The following SAFB variants were observed in gnomAD, a reference collection of about 807,000 sequenced individuals.
SAFB encodes scaffold attachment factor B.
Under a neutral mutation model 101.6 loss-of-function variants are expected in SAFB, and 15 were observed. The ratio of observed to expected loss-of-function variants is 0.15; its 90% CI spans 0.10 to 0.23. SAFB has a LOEUF of 0.23. SAFB is among the 10% of genes least tolerant of loss of function. The pLI is 1.00. For missense variants in SAFB, 930 were observed against 1,104.1 expected (o/e 0.84, Z 2.23); for synonymous variants, 449 against 407.5 (o/e 1.10, Z -1.23).
chr19:5,647,024 G>A (rs1405960603), intron 5 of SAFB, among the ~76,000 whole-genome samples: 2 of 152,230 alleles, frequency 1.3e-5, no homozygotes, highest in East Asian at 1.9e-4. Flanking sequence ...TGACGAGTCT[G>A]TGTGTATGTA....
chr19:5,667,333 GTC>G lies in SAFB; in HGVS notation c.2454-8_2454-7del, dbSNP rs1568285009. On this transcript the variant is annotated splice_polypyrimidine_tract_variant and intron_variant, in intron 18 of 20. Coordinates refer to ENST00000588852, the MANE Select transcript of SAFB (RefSeq NM_001201338.2). This position sits in a 1 kb window ranked among gnomAD's most constrained non-coding sequence, Gnocchi z 4.0. Reference sequence around the variant, plus strand: ...GATGGGGGCAATCCAAATCAGAGATGTCTCTCTTTCAAGGGGCAGACGTGACT... The same window carrying G: ...GATGGGGGCAATCCAAATCAGAGATGTCTCTTTCAAGGGGCAGACGTGACT... 3.4e-6 allele frequency: 5 copies of G among 1,474,180 alleles called. No individual in the cohort carries two copies. The highest frequency in any genetic ancestry group is 1.4e-5 in the South Asian group (1 of 73,148). The allele number at this position is 1,474,180 out of a possible 1,614,324, so 91.3% of individuals were successfully genotyped here.
At chr19:5,650,587 A>AT (rs2053917370) in intron 8 of SAFB, among the ~76,000 whole-genome samples, 1 of 151,954 alleles carries the variant, frequency 6.6e-6, no homozygotes, top group Non-Finnish European at 1.5e-5. Context: ...GATTTTTTGT[A>AT]TTTTTAGTAG....
At chr19:5,656,807 G>C (rs2054073009) in intron 13 of SAFB, among the ~76,000 whole-genome samples, 1 of 151,954 alleles carries the variant, frequency 6.6e-6, no homozygotes, top group Non-Finnish European at 1.5e-5. Context: ...GTCTCAGTCA[G>C]TCACTCAGGC....
At chr19:5,648,699 A>G (rs1013330651) in intron 6 of SAFB, among the ~76,000 whole-genome samples, 1 of 152,260 alleles carries the variant, frequency 6.6e-6, no homozygotes, top group Non-Finnish European at 1.5e-5. Flanking sequence ...TGGAAGAGTC[A>G]TATCTAAACG....
At chr19:5,654,588 A>G in intron 13 of SAFB, 132 bp downstream of exon 13, 2 of 692,810 alleles carry the variant, frequency 2.9e-6, no homozygotes, top group South Asian at 1.6e-5. Context: ...TAGAAATCTC[A>G]AACTATTTTT....
intron 4 of SAFB, among the ~76,000 whole-genome samples, chr19:5,644,003 G>A (rs1034406480): frequency 2.0e-5 from 3 of 152,158 alleles, no homozygotes; most frequent in African/African-American, 7.2e-5. Context: ...TACACTTAAA[G>A]CAGAAGTCAT....
Position 5,645,371 on chromosome 19 carries a change from CT to C in SAFB, c.583del (p.Ser195HisfsTer36). The C allele has an allele frequency of 7.2e-7, 1 of 1,382,552 alleles. No homozygotes were observed. The highest frequency in any genetic ancestry group is 1.0e-6 in the Non-Finnish European group (1 of 970,174). 85.6% of individuals were successfully genotyped at this position (1,382,552 alleles called of 1,614,324 possible). On this transcript the variant is annotated frameshift_variant, in exon 5 of 21. Transcript: ENST00000588852. LOFTEE classifies it high-confidence loss of function. ...AAAGAAACTATAAACAATTTAGATA[CT>C]TCATCATCTGACTTCACTATATTAC... ...EDKETINNLD[T>X]SSSDFTILQE...
intron 9 of SAFB, among the ~76,000 whole-genome samples, chr19:5,652,198 G>T (rs1291284603): frequency 7.1e-6 from 1 of 141,526 alleles, no homozygotes; most frequent in African/African-American, 2.6e-5. Context: ...CTTAAAAAAA[G>T]AAAAAAAAAA....
intron 15 of SAFB, among the ~76,000 whole-genome samples, chr19:5,662,851 A>G (rs900718025): frequency 9.9e-5 from 15 of 151,672 alleles, no homozygotes; most frequent in African/African-American, 3.6e-4. Flanking sequence ...CATGTTGGTC[A>G]GGCTGATCTC....
Position 5,641,520 on chromosome 19 carries a change from T to TC in SAFB, c.275-74_275-73insC. The TC allele has an allele frequency of 5.1e-6, 6 of 1,181,690 alleles. No homozygotes were observed. In the East Asian group the frequency reaches 1.5e-4, roughly 29 times the overall value. The allele number at this position is 1,181,690 out of a possible 1,614,324, so 73.2% of individuals were successfully genotyped here. A position where few individuals can be genotyped will look rare whatever the true frequency, so the allele number is the denominator to read the frequency against. On this transcript the variant is annotated intron_variant, in intron 2 of 20. Transcript: ENST00000588852. ...GATGTTTATAAAGTGACCACTTGTGTAGTGCTCAGGGCATTGTTGCTTCTG... is the reference window on the plus strand; with the variant it reads ...GATGTTTATAAAGTGACCACTTGTGTCAGTGCTCAGGGCATTGTTGCTTCTG...
chr19:5,640,669 A>G (rs1008636560), intron 2 of SAFB, among the ~76,000 whole-genome samples: 1 of 152,082 alleles, frequency 6.6e-6, no homozygotes, highest in African/African-American at 2.4e-5. Context: ...AGCTCACTGC[A>G]ACCTAAACCT....
At chr19:5,647,599 A>G (rs2145443412) in intron 5 of SAFB, among the ~76,000 whole-genome samples, 1 of 152,334 alleles carries the variant, frequency 6.6e-6, no homozygotes, top group South Asian at 2.1e-4. Flanking sequence ...ACCTGGGCCC[A>G]TATTCCCTCA....
At chr19:5,632,995 G>C (rs986266828) in intron 2 of SAFB, among the ~76,000 whole-genome samples, 4 of 152,212 alleles carry the variant, frequency 2.6e-5, no homozygotes, top group African/African-American at 9.6e-5. Flanking sequence ...CTATTGGCCA[G>C]GTTTCTCCAC....
chr19:5,626,488 A>G lies in SAFB; in HGVS notation c.273A>G (p.Lys91=). 1 of 1,573,084 alleles carries G rather than the reference A, an allele frequency of 6.4e-7. No homozygotes were observed. Among genetic ancestry groups the G allele is most frequent in the Non-Finnish European group, 8.7e-7 (1 of 1,145,134 alleles). ...AGAAAACATCAAAGAGGTCTAGCAA[A>G]GGTATGGAGGATTTCATAAGCAAGT... ...GNKKTSKRSS[K]GRKPEEEGVE... The change falls in exon 2 of 21, where the codon AAA becomes AAG. Residue 91 remains lysine, a splice_region_variant and synonymous_variant. Coordinates refer to ENST00000588852, the MANE Select transcript of SAFB (RefSeq NM_001201338.2).
At chr19:5,623,823 C>G (rs991305958) in intron 1 of SAFB, 1 of 164,710 alleles carries the variant, frequency 6.1e-6, no homozygotes, top group Non-Finnish European at 1.3e-5. Context: ...ATTCCTGATT[C>G]GGCTGCTTGG....
chr19:5,648,457 A>C, intron 6 of SAFB: 1 of 279,282 alleles, frequency 3.6e-6, no homozygotes, highest in Non-Finnish European at 6.8e-6. Flanking sequence ...ATACATTTTA[A>C]AACATAAATT....
In SAFB at chr19:5,667,849, G is replaced by A. The variant is rs147363737; in HGVS notation, c.2587G>A (p.Gly863Arg). 14 of 1,612,446 alleles carry A rather than the reference G, an allele frequency of 8.7e-6. No individual in the cohort carries two copies. The highest frequency in any genetic ancestry group is 5.5e-5 in the South Asian group (5 of 90,916). ...CGAGAGAAGCATGTCCGGTCACTCC[G>A]GGCCTGGCCACATGATGAACCGAGG... ...GGERSMSGHSGPGHMMNRGGM... is the reference protein window; with the variant it reads ...GGERSMSGHSRPGHMMNRGGM... Residue 863 changes from glycine to arginine, a missense_variant, in exon 20 of 21, where the codon GGG (glycine) becomes AGG (arginine). By Grantham distance (125) the Gly-to-Arg change is moderately radical (BLOSUM62 -2). This residue lies in a region of SAFB where 318 missense variants were observed against 342.6 expected (regional missense o/e 0.93). Coordinates refer to ENST00000588852, the MANE Select transcript of SAFB (RefSeq NM_001201338.2). This position sits in a 1 kb window ranked among gnomAD's most constrained non-coding sequence, Gnocchi z 4.0.
chr19:5,652,790 C>T (rs970930525), intron 9 of SAFB, among the ~76,000 whole-genome samples: 5 of 151,920 alleles, frequency 3.3e-5, no homozygotes, highest in Admixed American at 6.6e-5. Context: ...TTACCACCTA[C>T]GTAGCATGAC....
At chr19:5,642,688 G>A (rs2053748345) in intron 4 of SAFB, among the ~76,000 whole-genome samples, 1 of 97,170 alleles carries the variant, frequency 1.0e-5, no homozygotes, top group Non-Finnish European at 1.9e-5. Context: ...CTGAGACAGA[G>A]TTTTGCTGTT....
Sources: allele counts gnomAD v4.1 joint callset (sites outside exome capture counted in the v4.1 genomes callset), GRCh38; gene constraint gnomAD v4.1.1; regional missense constraint gnomAD v4.1.1; non-coding constraint Gnocchi (gnomAD v3.1); transcripts MANE v1.5; gene names NCBI Gene and HGNC (gene_info 2026-07-23, HGNC 2026-07-21).